Variants in MINAR1 observed in about 807,000 individuals in gnomAD.
MINAR1 encodes the protein major intrinsically disordered Notch2-binding receptor 1.
In MINAR1, 40 loss-of-function variants were observed where a neutral mutation model predicts 65.1. The observed-to-expected ratio is 0.61, with a 90% CI of 0.48 to 0.80. MINAR1 has a LOEUF of 0.80. Ranked by LOEUF, MINAR1 falls within the 30% of genes least tolerant of loss-of-function variation. The probability of loss-of-function intolerance (pLI) is 0.00; values close to 1 mark genes in which losing one functional copy is unlikely to be tolerated. For synonymous variants in MINAR1, 482 were observed against 449.1 expected (o/e 1.07, Z -0.93); for missense variants, 1,128 against 1,148.0 (o/e 0.98, Z 0.25).
At position 79,458,243 on chromosome 15, in the gene MINAR1, TAAAA is replaced by T; in HGVS notation, c.2101_2104del (p.Lys701AlafsTer11). 6.2e-7 allele frequency: 1 copy of T among 1,613,152 alleles called. No individual in the cohort carries two copies. The highest frequency in any genetic ancestry group is 2.2e-5 in the East Asian group (1 of 44,856). On this transcript the variant is annotated frameshift_variant, in exon 2 of 4. Transcript: ENST00000305428. LOFTEE classifies it high-confidence loss of function. ...AGTGAAAGCCTGCGGGTCAAGGCCT[TAAAA>T]AAAAGCCTCTTCACCAGGCCATCCT...
chr15:79,445,907 T>A (rs1392684810), intron 1 of MINAR1, among the ~76,000 whole-genome samples: 1 of 152,220 alleles, frequency 6.6e-6, no homozygotes, highest in Non-Finnish European at 1.5e-5. Flanking sequence ...TTTTAATTTT[T>A]AAAAATCCGG....
chr15:79,445,550 A>ATTTAT (rs1894989540), intron 1 of MINAR1, among the ~76,000 whole-genome samples: 2 of 138,678 alleles, frequency 1.4e-5, no homozygotes, highest in Non-Finnish European at 3.1e-5. Context: ...TGTGACAGTT[A>ATTTAT]TTTTTTTTTT....
the MINAR1 span, chr15:79,417,434 A>C: frequency 6.6e-6 from 1 of 152,202 alleles, no homozygotes; most frequent in African/African-American, 2.4e-5. Flanking sequence ...GTGGATCCCG[A>C]AGACGGGCTT....
chr15:79,469,967 C>G lies in MINAR1; in HGVS notation c.*1583C>G, dbSNP rs1896018624. ...GCAAATAATGCTTAGCTTGCTGTGT[C>G]TGATTCTGTTGTTCACCATTAAGGG... On this transcript the variant is annotated 3_prime_UTR_variant, in exon 4 of 4. Transcript: ENST00000305428. The G allele has an allele frequency of 6.6e-6, 1 of 152,566 alleles. No individual in the cohort carries two copies. Among genetic ancestry groups the G allele is most frequent in the Non-Finnish European group, 1.5e-5 (1 of 68,018 alleles). The allele number at this position is 152,566 out of a possible 1,614,324, so 9.5% of individuals were successfully genotyped here. A position where few individuals can be genotyped will look rare whatever the true frequency, so the allele number is the denominator to read the frequency against.
chr15:79,463,856 T>C (rs1342105386), intron 3 of MINAR1: 3 of 426,084 alleles, frequency 7.0e-6, no homozygotes, highest in African/African-American at 6.1e-5. Flanking sequence ...GGCCACACTT[T>C]TATTTTGGTG....
the MINAR1 span, chr15:79,421,826 T>A: frequency 6.6e-6 from 1 of 152,210 alleles, no homozygotes; most frequent in Non-Finnish European, 1.5e-5. Flanking sequence ...GAAGGCAACA[T>A]ATCCTCAGGC....
chr15:79,430,353 AAAG>A (rs1371384080), upstream of MINAR1, among the ~76,000 whole-genome samples: 3 of 152,222 alleles, frequency 2.0e-5, no homozygotes, highest in Admixed American at 1.3e-4. Flanking sequence ...AAAAAACAGG[AAAG>A]AAGAACTCAA....
chr15:79,437,688 G>A (rs1252258519), intron 1 of MINAR1, among the ~76,000 whole-genome samples: 8 of 114,184 alleles, frequency 7.0e-5, no homozygotes, highest in South Asian at 3.3e-4. Flanking sequence ...GGTGGCGTGG[G>A]TAGTGAGTGT....
the MINAR1 span, chr15:79,417,131 C>T: frequency 2.6e-5 from 4 of 152,244 alleles, no homozygotes; most frequent in African/African-American, 7.2e-5. Flanking sequence ...TCCAAGTTCA[C>T]TTCTTGGCAG....
At chr15:79,415,561 T>C in the MINAR1 span, 5 of 152,300 alleles carry the variant, frequency 3.3e-5, no homozygotes, top group East Asian at 9.6e-4. Flanking sequence ...TCGGTAGTAG[T>C]TGCGGTAAAA....
intron 3 of MINAR1, chr15:79,463,732 GATT>G (rs549952200): frequency 2.2e-6 from 1 of 463,296 alleles, no homozygotes; most frequent in Non-Finnish European, 4.3e-6. Context: ...CCAAGCTATG[GATT>G]ATGTTTCCAT....
At chr15:79,434,101 A>G (rs1441523671) in intron 1 of MINAR1, among the ~76,000 whole-genome samples, 1 of 152,214 alleles carries the variant, frequency 6.6e-6, no homozygotes, top group Non-Finnish European at 1.5e-5. Context: ...TGTCTGAGAG[A>G]CTTGCATAGA....
intron 3 of MINAR1, among the ~76,000 whole-genome samples, chr15:79,467,037 G>A (rs555825013): frequency 3.3e-5 from 5 of 152,300 alleles, no homozygotes; most frequent in East Asian, 3.9e-4. Context: ...CCCCCATGAC[G>A]TGTCCATGTA....
At position 79,456,216 on chromosome 15, in the gene MINAR1, T is replaced by C. The variant is rs776031857; in HGVS notation, c.69T>C (p.Asn23=). ...KILEELDSKQ[N]TVSYQDLCKS... ...TGGAGGAACTGGACAGCAAGCAAAA[T>C]ACCGTTTCTTATCAGGACCTGTGCA... The change falls in exon 2 of 4, where the codon AAT becomes AAC. Residue 23 remains asparagine, a synonymous_variant. Coordinates refer to ENST00000305428, the MANE Select transcript of MINAR1 (RefSeq NM_015206.3). 1.9e-6 allele frequency: 3 copies of C among 1,614,088 alleles called. No homozygotes were observed. The highest frequency in any genetic ancestry group is 2.2e-5 in the South Asian group (2 of 91,076).
intron 1 of MINAR1, among the ~76,000 whole-genome samples, chr15:79,436,243 CT>C (rs1894596326): frequency 6.6e-6 from 1 of 152,182 alleles, no homozygotes; most frequent in Non-Finnish European, 1.5e-5. Context: ...ATGTAAAGAA[CT>C]TAGGATCATA....
chr15:79,434,285 A>AT (rs1005190744), intron 1 of MINAR1, among the ~76,000 whole-genome samples: 2 of 151,994 alleles, frequency 1.3e-5, no homozygotes, highest in African/African-American at 4.8e-5. Context: ...ACATAATGCG[A>AT]TTTTTTTTCT....
At chr15:79,447,972 A>G (rs759069223) in intron 1 of MINAR1, among the ~76,000 whole-genome samples, 3 of 152,098 alleles carry the variant, frequency 2.0e-5, no homozygotes, top group Non-Finnish European at 2.9e-5. Flanking sequence ...GCCTATCCTA[A>G]TCTACCTTAG....
At position 79,457,143 on chromosome 15, in the gene MINAR1, T is replaced by C. The variant is rs1170791580; in HGVS notation, c.996T>C (p.Asp332=). The C allele has an allele frequency of 5.0e-6, 8 of 1,614,064 alleles. No homozygotes were observed. In the African/African-American group the frequency reaches 8.0e-5, roughly 16 times the overall value. ...DKRRAKHESL[D]DLQASTYFGP... ...GGCGAGCAAAGCACGAAAGCTTAGA[T>C]GACCTTCAAGCCTCTACATATTTTG... The change falls in exon 2 of 4, where the codon GAT becomes GAC. Residue 332 remains aspartate, a synonymous_variant. Transcript: ENST00000305428.
Position 79,457,180 on chromosome 15 carries a change from G to A in MINAR1, c.1033G>A (p.Val345Met), listed in dbSNP as rs763508779. 34 of 1,614,010 alleles carry A rather than the reference G, an allele frequency of 2.1e-5. No homozygotes were observed. The highest frequency in any genetic ancestry group is 7.7e-5 in the South Asian group (7 of 91,076). The change falls in exon 2 of 4, where the codon GTG becomes ATG. Residue 345 changes from valine (V) to methionine (M), a missense_variant. Physicochemically the swap from Val to Met is conservative, Grantham distance 21. Coordinates refer to ENST00000305428, the MANE Select transcript of MINAR1 (RefSeq NM_015206.3). The part of the protein sequence containing the change: ...QASTYFGPTP[V>M]MGTQEARRCL... ...CTCTACATATTTTGGGCCCACTCCC[G>A]TGATGGGAACCCAAGAAGCCAGGCG...
Sources: gnomAD v4.1 joint callset for allele counts (sites outside exome capture counted in the v4.1 genomes callset) on GRCh38, gnomAD v4.1.1 for gene constraint, MANE v1.5 for transcripts, NCBI Gene and HGNC (gene_info 2026-07-23, HGNC 2026-07-21) for gene names.